The following ATG12 variants were observed in gnomAD, a reference collection of about 807,000 sequenced individuals.
The protein encoded by ATG12 is ubiquitin-like protein ATG12.
A neutral mutation model predicts 17.6 loss-of-function variants in ATG12; 19 were observed. The ratio of observed to expected loss-of-function variants is 1.08; its 90% CI spans 0.75 to 1.58. The LOEUF (loss-of-function observed/expected upper bound fraction) is 1.58. ATG12 is among the 40% of genes most tolerant of loss of function. ATG12 has a pLI of 0.00. For synonymous variants in ATG12, 75 were observed against 62.4 expected (o/e 1.20, Z -0.95); for missense variants, 214 against 162.0 (o/e 1.32, Z -1.74).
chr5:115,840,627 G>A (rs1056094322), intron 1 of ATG12: 1 of 1,266,770 alleles, frequency 7.9e-7, no homozygotes, highest in Non-Finnish European at 1.0e-6. Flanking sequence ...AGACAGAACG[G>A]GGAAAACGTC....
intron 1 of ATG12, chr5:115,840,701 C>T (rs1761372780): frequency 8.3e-7 from 1 of 1,198,638 alleles, no homozygotes; most frequent in Non-Finnish European, 1.1e-6. Context: ...ATAGGCAACT[C>T]TAACTCTAAA....
chr5:115,835,283 T>A (rs1761047128), intron 2 of ATG12: 2 of 152,190 alleles, frequency 1.3e-5, no homozygotes, highest in Admixed American at 1.3e-4. Flanking sequence ...CTTTTCCGCA[T>A]CTCGTTTTTC....
At chr5:115,833,099 ATAT>A in intron 2 of ATG12, 3 of 153,418 alleles carry the variant, frequency 2.0e-5, no homozygotes, top group Middle Eastern at 6.6e-3. Flanking sequence ...AATGTATGAC[ATAT>A]ATACTTAGGT....
intron 3 of ATG12, 150 bp from the exon 4 acceptor site, chr5:115,832,013 T>A (rs999593029): frequency 4.2e-6 from 3 of 710,444 alleles, no homozygotes; most frequent in Admixed American, 2.8e-5. Flanking sequence ...GATGCCTGTT[T>A]CTATCAGACA....
intron 2 of ATG12, among the ~76,000 whole-genome samples, chr5:115,834,517 TATTA>T (rs966114313): frequency 6.6e-6 from 1 of 152,250 alleles, no homozygotes; most frequent in Admixed American, 6.5e-5. Context: ...TAGTTAGTTT[TATTA>T]ATTACTTTGC....
At chr5:115,839,922 G>A (rs1382906706) in intron 1 of ATG12, among the ~76,000 whole-genome samples, 2 of 152,122 alleles carry the variant, frequency 1.3e-5, no homozygotes, top group African/African-American at 4.8e-5. Flanking sequence ...AGTTCAATTT[G>A]CAAAAAAATA....
intron 1 of ATG12, chr5:115,840,938 G>T: frequency 7.9e-7 from 1 of 1,264,362 alleles, no homozygotes; most frequent in Non-Finnish European, 1.0e-6. Flanking sequence ...CAACCAACTG[G>T]GAGGGGGAAA....
intron 2 of ATG12, chr5:115,834,063 TAC>T (rs1294095750): frequency 2.0e-5 from 3 of 152,210 alleles, no homozygotes; most frequent in African/African-American, 7.2e-5. Context: ...TACAGAAATG[TAC>T]ACTACTCTAG....
rs1199750882 is a variant in ATG12, at chr5:115,841,401, G to A, written c.152C>T (p.Thr51Ile). ...SPGTEEPAGD[T>I]KKKIDILLKA... ...ATAAATTCAGTTACTTTTTTTCTTG[G>A]TGTCGCCAGCAGGTTCCTCTGTTCC... The change falls in exon 1 of 4, where the codon ACC becomes ATC. Residue 51 changes from threonine (T) to isoleucine (I), a missense_variant. By Grantham distance (89) the Thr-to-Ile change is moderately conservative. Transcript: ENST00000509910. 6.2e-7 allele frequency: 1 copy of A among 1,611,278 alleles called. No homozygotes were observed. Among genetic ancestry groups the A allele is most frequent in the South Asian group, 1.1e-5 (1 of 90,984 alleles).
rs1760773886 is a variant in ATG12, at chr5:115,829,490, G to A, written c.*2314C>T. On this transcript the variant is annotated 3_prime_UTR_variant, in exon 4 of 4. Coordinates refer to ENST00000509910, the MANE Select transcript of ATG12 (RefSeq NM_004707.4). Reference sequence around the variant, plus strand: ...ATGGTGAATTCATTATGAAGTCTTTGGCATACTTTTAAAGATGGAAGTACA... The same window carrying A: ...ATGGTGAATTCATTATGAAGTCTTTAGCATACTTTTAAAGATGGAAGTACA... The A allele has an allele frequency of 6.6e-6, 1 of 152,058 alleles. No individual in the cohort carries two copies. Among genetic ancestry groups the A allele is most frequent in the African/African-American group, 2.4e-5 (1 of 41,386 alleles). The allele number at this position is 152,058 out of a possible 1,614,324, so 9.4% of individuals were successfully genotyped here. A position where few individuals can be genotyped will look rare whatever the true frequency, so the allele number is the denominator to read the frequency against.
chr5:115,832,657 T>C lies in ATG12; in HGVS notation c.308A>G (p.Tyr103Cys). Reference protein sequence around the residue: ...KLVASEQLFIYVNQSFAPSPD... With the variant: ...KLVASEQLFICVNQSFAPSPD... ...GGAAGGAGCAAAGGACTGATTCACATAAATAAACTACAAGAAAGGAAGGAA... is the reference window on the plus strand; with the variant it reads ...GGAAGGAGCAAAGGACTGATTCACACAAATAAACTACAAGAAAGGAAGGAA... The change falls in exon 3 of 4, where the codon TAT becomes TGT. Residue 103 changes from tyrosine (Y) to cysteine (C), a missense_variant. Tyr to Cys is a radical substitution (Grantham distance 194, BLOSUM62 -2). Transcript: ENST00000509910. 1.5e-6 allele frequency: 2 copies of C among 1,359,298 alleles called. No homozygotes were observed. Among genetic ancestry groups the C allele is most frequent in the Middle Eastern group, 2.1e-4 (1 of 4,690 alleles). 84.2% of individuals were successfully genotyped at this position (1,359,298 alleles called of 1,614,324 possible).
At chr5:115,840,546 C>T (rs1159777027) in intron 1 of ATG12, 18 of 1,178,028 alleles carry the variant, frequency 1.5e-5, no homozygotes, top group Non-Finnish European at 1.9e-5. Context: ...GATCCACCCG[C>T]CTCAGCCTAC....
In ATG12 at chr5:115,829,362, T is replaced by C. The variant is rs968541715; in HGVS notation, c.*2442A>G. The C allele has an allele frequency of 2.6e-5, 4 of 152,238 alleles. No individual in the cohort carries two copies. Among genetic ancestry groups the C allele is most frequent in the Admixed American group, 2.6e-4 (4 of 15,288 alleles). 9.4% of individuals were successfully genotyped at this position (152,238 alleles called of 1,614,324 possible). On this transcript the variant is annotated 3_prime_UTR_variant, in exon 4 of 4. Transcript: ENST00000509910. ...ACACTGTACTTCGTTCTAGTAGATA[T>C]TTAAGGTCCCTTTAGGACTGAAACT...
chr5:115,840,517 CG>C, intron 1 of ATG12: 1 of 865,428 alleles, frequency 1.2e-6, no homozygotes, highest in South Asian at 1.6e-5. Context: ...AGGCTGGTCT[CG>C]AACTCTTGAC....
chr5:115,840,567 G>A, intron 1 of ATG12: 1 of 1,265,486 alleles, frequency 7.9e-7, no homozygotes, highest in Non-Finnish European at 1.0e-6. Flanking sequence ...CAAAGTGCTG[G>A]GATTACAGGA....
chr5:115,828,352 C>A lies in ATG12; in HGVS notation c.*3452G>T, dbSNP rs367941697. On this transcript the variant is annotated 3_prime_UTR_variant, in exon 4 of 4. Coordinates refer to ENST00000509910, the MANE Select transcript of ATG12 (RefSeq NM_004707.4). ...CAAATGGCCCCCTAAAAGTGATATA[C>A]CAACTCATATTCTATTCACCAAAAT... 6.6e-6 allele frequency: 1 copy of A among 152,138 alleles called. No homozygotes were observed. Among genetic ancestry groups the A allele is most frequent in the Non-Finnish European group, 1.5e-5 (1 of 68,012 alleles). 9.4% of individuals were successfully genotyped at this position (152,138 alleles called of 1,614,324 possible).
Position 115,836,655 on chromosome 5 carries a change from A to G in ATG12, c.300+973T>C, listed in dbSNP as rs1319177854. 6.6e-5 allele frequency among the ~76,000 whole-genome samples: 10 copies of G among 152,280 alleles called. No individual in the cohort carries two copies. In the East Asian group the frequency reaches 1.5e-3, roughly 23 times the overall value. Reference sequence around the variant, plus strand: ...GCAAATATTTCCCCCAGTGCCCCCAAAAATTCCTGATTTTATTTAAAAAAT... The same window carrying G: ...GCAAATATTTCCCCCAGTGCCCCCAGAAATTCCTGATTTTATTTAAAAAAT... On this transcript the variant is annotated intron_variant, in intron 2 of 3. Coordinates refer to ENST00000509910, the MANE Select transcript of ATG12 (RefSeq NM_004707.4).
At chr5:115,832,580 T>C (rs1245329997) in intron 3 of ATG12, 22 bp downstream of exon 3, 7 of 1,358,660 alleles carry the variant, frequency 5.2e-6, no homozygotes, top group South Asian at 1.6e-5. Context: ...TCTTTTTTTT[T>C]TTTTTTTTTT....
chr5:115,828,453 T>C lies in ATG12; in HGVS notation c.*3351A>G, dbSNP rs1760725958. ...TATTGTCAGTCAGCATTGTTTTTATTTGTATTTTTTGTAACCAATGGGGTT... is the reference window on the plus strand; with the variant it reads ...TATTGTCAGTCAGCATTGTTTTTATCTGTATTTTTTGTAACCAATGGGGTT... On this transcript the variant is annotated 3_prime_UTR_variant, in exon 4 of 4. Transcript: ENST00000509910. 1 of 152,216 alleles carries C rather than the reference T, an allele frequency of 6.6e-6. No individual in the cohort carries two copies. The highest frequency in any genetic ancestry group is 2.4e-5 in the African/African-American group (1 of 41,452). 9.4% of individuals were successfully genotyped at this position (152,216 alleles called of 1,614,324 possible). A position where few individuals can be genotyped will look rare whatever the true frequency, so the allele number is the denominator to read the frequency against.
Sources: allele counts gnomAD v4.1 joint callset (sites outside exome capture counted in the v4.1 genomes callset), GRCh38; gene constraint gnomAD v4.1.1; transcripts MANE v1.5; gene names NCBI Gene and HGNC (gene_info 2026-07-23, HGNC 2026-07-21).